The following RAI2 variants were observed in gnomAD, a reference collection of about 807,000 sequenced individuals.
The protein encoded by RAI2 is retinoic acid induced 2.
A neutral mutation model predicts 15.3 loss-of-function variants in RAI2; 5 were observed. The ratio of observed to expected loss-of-function variants is 0.33; its 90% CI spans 0.17 to 0.69. The LOEUF (loss-of-function observed/expected upper bound fraction) is 0.69, where lower values mean the gene tolerates loss of function less well. Ranked by LOEUF, RAI2 falls within the 30% of genes least tolerant of loss-of-function variation. The probability of loss-of-function intolerance (pLI) is 0.69; values close to 1 mark genes in which losing one functional copy is unlikely to be tolerated. For synonymous variants in RAI2, 191 were observed against 184.0 expected, an observed-to-expected ratio of 1.04 and a Z score of -0.31; for missense variants, 424 against 424.7, an observed-to-expected ratio of 1.00 and a Z score of 0.01.
intron 1 of RAI2, among the ~76,000 whole-genome samples, chrX:17,827,381 G>A (rs2067238757): frequency 8.9e-6 from 1 of 112,203 alleles, no homozygotes; most frequent in African/African-American, 3.2e-5. Flanking sequence ...TTGAGTGGCT[G>A]TATTTAACAG....
chrX:17,823,369 TATAA>T (rs1238889893), intron 1 of RAI2, among the ~76,000 whole-genome samples: 2 of 112,379 alleles, frequency 1.8e-5, no homozygotes, highest in Non-Finnish European at 3.8e-5. Context: ...TATTTGAAAC[TATAA>T]ATAAACAATA....
intron 1 of RAI2, among the ~76,000 whole-genome samples, chrX:17,804,890 A>G (rs2066959918): frequency 8.9e-6 from 1 of 112,541 alleles, no homozygotes; most frequent in Non-Finnish European, 1.9e-5. Flanking sequence ...GCCTGCTAAC[A>G]TTCCCAGAAC....
chrX:17,844,741 T>G (rs1353910740), intron 1 of RAI2, among the ~76,000 whole-genome samples: 2 of 112,443 alleles, frequency 1.8e-5, no homozygotes, highest in African/African-American at 3.2e-5. Context: ...TAAAAGATAG[T>G]GGCTATTGTT....
intron 1 of RAI2, among the ~76,000 whole-genome samples, chrX:17,830,983 G>T (rs1027578630): frequency 8.9e-6 from 1 of 112,143 alleles, no homozygotes; most frequent in African/African-American, 3.2e-5. Flanking sequence ...TGAAAACAAT[G>T]AGAACTATCC....
intron 1 of RAI2, among the ~76,000 whole-genome samples, chrX:17,802,466 A>G (rs1264806801): frequency 8.9e-6 from 1 of 112,608 alleles, no homozygotes; most frequent in Non-Finnish European, 1.9e-5. Flanking sequence ...GAAAAAAATA[A>G]TGCCTTGTCA....
At chrX:17,804,020 C>T (rs1368220411) in intron 1 of RAI2, among the ~76,000 whole-genome samples, 4 of 107,230 alleles carry the variant, frequency 3.7e-5, no homozygotes. Context: ...AGCGCAGTGG[C>T]GCAATCTTGG....
chrX:17,810,541 G>C (rs943551019), intron 1 of RAI2, among the ~76,000 whole-genome samples: 5 of 112,355 alleles, frequency 4.5e-5, no homozygotes, highest in African/African-American at 1.6e-4. Context: ...TGTAACATGG[G>C]GGACTGCCCT....
intron 1 of RAI2, among the ~76,000 whole-genome samples, chrX:17,804,269 C>CATTCATTCATGCATGCATGTATGA (rs1264236882): frequency 3.6e-5 from 4 of 112,103 alleles, no homozygotes; most frequent in East Asian, 5.7e-4. Context: ...TCTAATACAC[C>CATTCATTCATGCATGCATGTATGA]ATTCATTCAT....
chrX:17,826,800 C>G (rs755112399), intron 1 of RAI2, among the ~76,000 whole-genome samples: 88 of 111,269 alleles, frequency 7.9e-4, no homozygotes, highest in Non-Finnish European at 1.5e-3. Context: ...GACACTTCCC[C>G]CCTCATGCTC....
chrX:17,857,738 C>T (rs935138222), intron 1 of RAI2, among the ~76,000 whole-genome samples: 2 of 111,718 alleles, frequency 1.8e-5, no homozygotes, highest in African/African-American at 6.5e-5. Context: ...TCCCCACTGC[C>T]ATTCACTCCA....
intron 1 of RAI2, among the ~76,000 whole-genome samples, chrX:17,806,180 T>G (rs187605921): frequency 4.5e-5 from 5 of 110,855 alleles, no homozygotes; most frequent in African/African-American, 1.6e-4. Flanking sequence ...AGCCAGATAG[T>G]GACTGGAGAG....
intron 1 of RAI2, among the ~76,000 whole-genome samples, chrX:17,823,573 C>A (rs1323854217): frequency 9.0e-6 from 1 of 111,157 alleles, no homozygotes. Flanking sequence ...GTGGTGGGGA[C>A]CTGATGCAGG....
intron 1 of RAI2, among the ~76,000 whole-genome samples, chrX:17,816,077 C>G (rs1393243706): frequency 1.9e-5 from 2 of 107,890 alleles, no homozygotes; most frequent in African/African-American, 6.8e-5. Context: ...CCCCCCACCC[C>G]CACTTACTCC....
At chrX:17,826,346 C>G (rs904566063) in intron 1 of RAI2, among the ~76,000 whole-genome samples, 1 of 110,776 alleles carries the variant, frequency 9.0e-6, no homozygotes, top group Non-Finnish European at 1.9e-5. Flanking sequence ...TCCTTCAGCA[C>G]CTATCACATT....
chrX:17,814,006 A>G (rs1410322963), intron 1 of RAI2, among the ~76,000 whole-genome samples: 1 of 111,940 alleles, frequency 8.9e-6, no homozygotes, highest in Admixed American at 9.5e-5. Context: ...TCAACTAGCT[A>G]GTTGTCTTAG....
At chrX:17,806,275 G>A (rs906258684) in intron 1 of RAI2, among the ~76,000 whole-genome samples, 5 of 111,863 alleles carry the variant, frequency 4.5e-5, no homozygotes, top group Non-Finnish European at 7.5e-5. Context: ...AAATCAAGGA[G>A]CATCAAAGGA....
chrX:17,853,924 A>C (rs1026259411), intron 1 of RAI2, among the ~76,000 whole-genome samples: 4 of 111,532 alleles, frequency 3.6e-5, no homozygotes, highest in Non-Finnish European at 1.9e-5. Context: ...GTTCCATACA[A>C]AACCAAAATC....
chrX:17,809,384 TAGG>T (rs1232807064), intron 1 of RAI2, among the ~76,000 whole-genome samples: 2 of 110,697 alleles, frequency 1.8e-5, no homozygotes, highest in Admixed American at 1.9e-4. Flanking sequence ...TTGTGAAAAA[TAGG>T]AGAAGTGGAG....
intron 1 of RAI2, among the ~76,000 whole-genome samples, chrX:17,826,213 T>C (rs1431382919): frequency 9.0e-6 from 1 of 111,658 alleles, no homozygotes; most frequent in Non-Finnish European, 1.9e-5. Context: ...TCACAACTGG[T>C]TCCTTCTCAG....
Sources: allele counts gnomAD v4.1 joint callset (sites outside exome capture counted in the v4.1 genomes callset), GRCh38; gene constraint gnomAD v4.1.1; transcripts MANE v1.5; gene names NCBI Gene and HGNC (gene_info 2026-07-23, HGNC 2026-07-21).